SLC38A10: variants seen among roughly 807,000 people sequenced by gnomAD.
SLC38A10 encodes solute carrier family 38 member 10, also known as Sodium-coupled neutral amino acid transporter 10.
SLC38A10 carries 53 observed loss-of-function variants against 81.0 expected under a neutral mutation model. That is an observed-to-expected ratio of 0.65 (90% CI 0.53 to 0.82). The LOEUF (loss-of-function observed/expected upper bound fraction) is 0.82. Among genes scored for constraint, SLC38A10 ranks in the 40% least tolerant of loss-of-function variants. The pLI, the probability that SLC38A10 is intolerant of heterozygous loss-of-function variation, is 0.00. For missense variants in SLC38A10, 1,471 were observed against 1,545.0 expected (o/e 0.95, Z 0.80); for synonymous variants, 665 against 655.3 (o/e 1.01, Z -0.23).
rs775361291 is a variant in SLC38A10, at chr17:81,275,983, G to A, written c.898C>T (p.Leu300=). 1.2e-6 allele frequency: 2 copies of A among 1,613,530 alleles called. No individual in the cohort carries two copies. The highest frequency in any genetic ancestry group is 1.7e-5 in the Admixed American group (1 of 60,016). ...LPCRQALSTL[L]CEQQQKDGTF... is the part of the protein sequence containing the mutation. ...GAGGGTCTTACCTGCTGCTCACACA[G>A]CAGCGTGCTCAGGGCCTGCCTGCAT... The change falls in exon 8 of 16, where the codon CTG becomes TTG. Residue 300 remains leucine, a synonymous_variant. Transcript: ENST00000374759.
chr17:81,287,950 G>T (rs984482384), intron 2 of SLC38A10, among the ~76,000 whole-genome samples: 3 of 152,230 alleles, frequency 2.0e-5, no homozygotes, highest in Non-Finnish European at 4.4e-5. Flanking sequence ...GACCCAGGAA[G>T]GGGCCCGCCC....
intron 1 of SLC38A10, among the ~76,000 whole-genome samples, chr17:81,292,585 C>T (rs1250911734): frequency 3.3e-5 from 5 of 152,204 alleles, no homozygotes; most frequent in South Asian, 4.1e-4. Flanking sequence ...GTGGAGGAGA[C>T]GCTGCGGCCA....
intron 6 of SLC38A10, chr17:81,280,204 T>C (rs1314281725): frequency 4.6e-6 from 2 of 436,388 alleles, no homozygotes; most frequent in Non-Finnish European, 9.4e-6. Flanking sequence ...CATGCAGGCC[T>C]CCAAATGCAT....
chr17:81,288,060 A>C lies in SLC38A10; in HGVS notation c.217+1631T>G, dbSNP rs2063281911. Among the ~76,000 whole-genome samples the C allele has an allele frequency of 6.6e-6, 1 of 152,184 alleles. No homozygotes were observed. Among genetic ancestry groups the C allele is most frequent in the African/African-American group, 2.4e-5 (1 of 41,442 alleles). On this transcript the variant is annotated intron_variant, in intron 2 of 15. Coordinates refer to ENST00000374759, the MANE Select transcript of SLC38A10 (RefSeq NM_001037984.3). The surrounding 1 kb of genome is among the most constrained non-coding windows in gnomAD (Gnocchi z 5.4). Reference sequence around the variant, plus strand: ...ACTTAACAGTGAACTTCACTTCCTCAAATAACAACAAGAAAAGACTCTGAC... The same window carrying C: ...ACTTAACAGTGAACTTCACTTCCTCCAATAACAACAAGAAAAGACTCTGAC...
chr17:81,290,453 C>T (rs1043682737), intron 1 of SLC38A10, among the ~76,000 whole-genome samples: 1 of 152,196 alleles, frequency 6.6e-6, no homozygotes, highest in African/African-American at 2.4e-5. Flanking sequence ...CTGACACCCA[C>T]CATGACACGG....
At chr17:81,271,306 G>A (rs1419224624) in intron 9 of SLC38A10, among the ~76,000 whole-genome samples, 7 of 152,324 alleles carry the variant, frequency 4.6e-5, no homozygotes, top group East Asian at 3.9e-4. Flanking sequence ...GGCTGCGCAC[G>A]GCACGGCTCC....
At chr17:81,257,168 G>A (rs1007881116) in intron 11 of SLC38A10, among the ~76,000 whole-genome samples, 2 of 152,156 alleles carry the variant, frequency 1.3e-5, no homozygotes, top group Non-Finnish European at 2.9e-5. Context: ...CACCCAGGCC[G>A]GAGTGCAGTG....
In SLC38A10 at chr17:81,271,969, C is replaced by T. The variant is rs1173915511; in HGVS notation, c.1024+547G>A. ...GTTTCGATCTCCTGACCTCGTGATC[C>T]GCCCGCCTCGGCCTCCCAAACTGCG... On this transcript the variant is annotated intron_variant, in intron 9 of 15. Transcript: ENST00000374759. Among the ~76,000 whole-genome samples, 8 of 151,700 alleles carry T rather than the reference C, an allele frequency of 5.3e-5. No homozygotes were observed. In the East Asian group the frequency reaches 9.7e-4, roughly 18 times the overall value.
At position 81,276,882 on chromosome 17, in the gene SLC38A10, C is replaced by A; in HGVS notation, c.729+149G>T. On this transcript the variant is annotated intron_variant, in intron 7 of 15. Coordinates refer to ENST00000374759, the MANE Select transcript of SLC38A10 (RefSeq NM_001037984.3). This position sits in a 1 kb window ranked among gnomAD's most constrained non-coding sequence, Gnocchi z 4.7. ...AGCTGATGGAGCTGCCCCAGGTCCC[C>A]GCGCAGCCTCCAGACACTGGGATGG... 1 of 721,014 alleles carries A rather than the reference C, an allele frequency of 1.4e-6. No homozygotes were observed. Among genetic ancestry groups the A allele is most frequent in the South Asian group, 1.7e-5 (1 of 59,434 alleles). The allele number at this position is 721,014 out of a possible 1,614,324, so 44.7% of individuals were successfully genotyped here. A position where few individuals can be genotyped will look rare whatever the true frequency, so the allele number is the denominator to read the frequency against.
At chr17:81,274,909 T>C (rs1480921958) in intron 8 of SLC38A10, among the ~76,000 whole-genome samples, 1 of 152,128 alleles carries the variant, frequency 6.6e-6, no homozygotes, top group Non-Finnish European at 1.5e-5. Flanking sequence ...CACTTTTTAT[T>C]TTTCTTTCTC....
chr17:81,284,042 G>A (rs1055315007), intron 3 of SLC38A10, among the ~76,000 whole-genome samples: 7 of 151,792 alleles, frequency 4.6e-5, no homozygotes, highest in African/African-American at 1.2e-4. Flanking sequence ...GCCCCTCTGC[G>A]GAGGCTCTAA....
chr17:81,291,052 A>G (rs2063305899), intron 1 of SLC38A10, among the ~76,000 whole-genome samples: 1 of 152,126 alleles, frequency 6.6e-6, no homozygotes, highest in South Asian at 2.1e-4. Flanking sequence ...CACTACCTCC[A>G]TCGAGGTGAC....
intron 14 of SLC38A10, chr17:81,250,206 T>TA (rs1416279930): frequency 3.1e-5 from 34 of 1,091,714 alleles, no homozygotes; most frequent in Non-Finnish European, 4.0e-5. Context: ...TAACAGAGCA[T>TA]AGGAATTGGA....
Position 81,275,744 on chromosome 17 carries a change from A to T in SLC38A10, c.912+225T>A, listed in dbSNP as rs546237700. ...GAAACTCCGTCTCAAAAAAAAAGAG[A>T]ACTGTGCAGTGAACGCCATGTGCCC... On this transcript the variant is annotated intron_variant, in intron 8 of 15. Coordinates refer to ENST00000374759, the MANE Select transcript of SLC38A10 (RefSeq NM_001037984.3). Among the ~76,000 whole-genome samples the T allele has an allele frequency of 4.2e-4, 64 of 150,642 alleles. No homozygotes were observed. The East Asian group carries it at 5.0e-3, about 12-fold the overall frequency.
chr17:81,293,393 C>T (rs2063325019), intron 1 of SLC38A10, among the ~76,000 whole-genome samples: 2 of 152,356 alleles, frequency 1.3e-5, no homozygotes, highest in Non-Finnish European at 1.5e-5. Flanking sequence ...ACAGGCTCAC[C>T]AACCATATCA....
rs750307115 is a variant in SLC38A10 at position 81,265,176 on chromosome 17, T to A, written c.1132-4782A>T. 2 of 152,036 alleles carry A rather than the reference T, an allele frequency of 1.3e-5. No individual in the cohort carries two copies. Among genetic ancestry groups the A allele is most frequent in the Non-Finnish European group, 2.9e-5 (2 of 68,030 alleles). 9.4% of individuals were successfully genotyped at this position (152,036 alleles called of 1,614,324 possible). A position where few individuals can be genotyped will look rare whatever the true frequency, so the allele number is the denominator to read the frequency against. ...CGAGTGGATCACCTGAGGTCAGGAG[T>A]GTTCAAGACCAGCCTGGCCAACATG... On this transcript the variant is annotated intron_variant, in intron 10 of 15. Transcript: ENST00000374759. This position sits in a 1 kb window ranked among gnomAD's most constrained non-coding sequence, Gnocchi z 4.2.
chr17:81,283,581 A>G lies in SLC38A10; in HGVS notation c.264-79T>C, dbSNP rs763469187. 9.8e-7 allele frequency: 1 copy of G among 1,024,088 alleles called. No homozygotes were observed. Among genetic ancestry groups the G allele is most frequent in the Non-Finnish European group, 1.5e-6 (1 of 685,536 alleles). The allele number at this position is 1,024,088 out of a possible 1,614,324, so 63.4% of individuals were successfully genotyped here. On this transcript the variant is annotated intron_variant, in intron 3 of 15. Transcript: ENST00000374759. The surrounding 1 kb of genome is among the most constrained non-coding windows in gnomAD (Gnocchi z 4.7). ...CTGGGCTGCCGCCAGGGACTACCCCAAGGCTGGGCTGAATGACAGATGTGA... is the reference window on the plus strand; with the variant it reads ...CTGGGCTGCCGCCAGGGACTACCCCGAGGCTGGGCTGAATGACAGATGTGA...
At chr17:81,293,466 CAAAA>C (rs1447736736) in intron 1 of SLC38A10, among the ~76,000 whole-genome samples, 1 of 149,966 alleles carries the variant, frequency 6.7e-6, no homozygotes, top group Non-Finnish European at 1.5e-5. Context: ...ATTCCTTGAT[CAAAA>C]AAAAGTTGTT....
In SLC38A10 at chr17:81,282,191, C is replaced by T. The variant is rs768219934; in HGVS notation, c.499G>A (p.Val167Met). 3.4e-5 allele frequency: 55 copies of T among 1,613,324 alleles called. No individual in the cohort carries two copies. Among genetic ancestry groups the T allele is most frequent in the Middle Eastern group, 1.6e-4 (1 of 6,082 alleles). Reference sequence around the variant, plus strand: ...ACCCACGCGCGCTGCCGACTCACCACGAACATGAACACGGTGTAGAAGAGG... The same window carrying T: ...ACCCACGCGCGCTGCCGACTCACCATGAACATGAACACGGTGTAGAAGAGG... ...ALLFYTVFMF[V>M]IVLSSLKHGL... is the part of the protein sequence containing the mutation. Residue 167 changes from valine (V) to methionine (M), a missense_variant and splice_region_variant, in exon 5 of 16, where the codon GTG (valine) becomes ATG (methionine). Val to Met is a conservative substitution (Grantham distance 21). Coordinates refer to ENST00000374759, the MANE Select transcript of SLC38A10 (RefSeq NM_001037984.3).
Sources: allele counts gnomAD v4.1 joint callset (sites outside exome capture counted in the v4.1 genomes callset), GRCh38; gene constraint gnomAD v4.1.1; non-coding constraint Gnocchi (gnomAD v3.1); transcripts MANE v1.5; gene names NCBI Gene and HGNC (gene_info 2026-07-23, HGNC 2026-07-21).